The following SAAL1 variants were observed in gnomAD, a reference collection of about 807,000 sequenced individuals.
SAAL1 encodes serum amyloid A like 1, also known as protein SAAL1.
Under a neutral mutation model 59.8 loss-of-function variants are expected in SAAL1, and 42 were observed. The ratio of observed to expected loss-of-function variants is 0.70; its 90% CI spans 0.55 to 0.91. SAAL1 has a LOEUF of 0.91. Among genes scored for constraint, SAAL1 ranks in the 40% least tolerant of loss-of-function variants. The pLI is 0.00. For synonymous variants in SAAL1, 191 were observed against 194.3 expected (o/e 0.98, Z 0.14); for missense variants, 542 against 561.1 (o/e 0.97, Z 0.34).
At chr11:18,095,567 C>T (rs1406737124) in intron 3 of SAAL1, among the ~76,000 whole-genome samples, 2 of 152,220 alleles carry the variant, frequency 1.3e-5, no homozygotes, top group Non-Finnish European at 2.9e-5. Context: ...TCTTTCCTAG[C>T]TGTGTGACCC....
At chr11:18,088,952 G>A (rs1166893184) in intron 7 of SAAL1, among the ~76,000 whole-genome samples, 1 of 152,104 alleles carries the variant, frequency 6.6e-6, no homozygotes, top group Non-Finnish European at 1.5e-5. Context: ...TCCCAACATC[G>A]GTCACTTATT....
chr11:18,106,072 T>C lies in SAAL1; in HGVS notation c.-31A>G. The C allele has an allele frequency of 6.3e-7, 1 of 1,577,630 alleles. No homozygotes were observed. Among genetic ancestry groups the C allele is most frequent in the Non-Finnish European group, 8.6e-7 (1 of 1,169,322 alleles). On this transcript the variant is annotated 5_prime_UTR_variant, in exon 1 of 12. Transcript: ENST00000524803. The stretch of plus-strand genomic sequence containing the variant: ...TGTCGCGTCCCGCGCTTGAAGGCCG[T>C]GCCGGAAGCTGCGGAGGAGACGACC...
chr11:18,094,253 T>C (rs1848550810), intron 3 of SAAL1, among the ~76,000 whole-genome samples: 1 of 152,134 alleles, frequency 6.6e-6, no homozygotes, highest in African/African-American at 2.4e-5. Flanking sequence ...GGTTTGAATG[T>C]GTGGGTCCAC....
intron 1 of SAAL1, 74 bp downstream of exon 1, chr11:18,105,833 A>C: frequency 2.1e-6 from 3 of 1,459,676 alleles, no homozygotes; most frequent in Non-Finnish European, 2.7e-6. Flanking sequence ...CCGGGGCAGG[A>C]GGATTCGCCA....
chr11:18,099,826 G>A (rs1848616329), intron 2 of SAAL1, among the ~76,000 whole-genome samples: 1 of 152,240 alleles, frequency 6.6e-6, no homozygotes, highest in Admixed American at 6.5e-5. Context: ...AGTGCAGGAA[G>A]TATCTGGAGG....
At chr11:18,083,308 T>C (rs1401403585) in intron 10 of SAAL1, 2 of 319,762 alleles carry the variant, frequency 6.3e-6, no homozygotes, top group South Asian at 9.2e-5. Context: ...AAAAATGCAT[T>C]TATAAAAACA....
chr11:18,100,538 T>A (rs1221865046), intron 2 of SAAL1, among the ~76,000 whole-genome samples: 2 of 152,178 alleles, frequency 1.3e-5, no homozygotes, highest in African/African-American at 4.8e-5. Flanking sequence ...AAGACCAGCC[T>A]GGCCAACATG....
At chr11:18,086,488 C>T (rs1035104303) in intron 9 of SAAL1, among the ~76,000 whole-genome samples, 4 of 152,100 alleles carry the variant, frequency 2.6e-5, no homozygotes, top group Non-Finnish European at 5.9e-5. Flanking sequence ...CACCTGAGGT[C>T]GGGAGTTCGA....
chr11:18,105,982 C>G lies in SAAL1; in HGVS notation c.60G>C (p.Val20=), dbSNP rs1480321070. 3 of 1,610,256 alleles carry G rather than the reference C, an allele frequency of 1.9e-6. No homozygotes were observed. In the East Asian group the frequency reaches 6.7e-5, roughly 36 times the overall value. The change falls in exon 1 of 12, where the codon GTG becomes GTC. Residue 20 remains valine, a synonymous_variant. Coordinates refer to ENST00000524803, the MANE Select transcript of SAAL1 (RefSeq NM_138421.3). ...TGCTCCCTATGCAGTCTCCACCGGC[C>G]ACCTCCTCCTCCTCCTCCTTGTCGC... The part of the protein sequence containing the change: ...PGRDKEEEEE[V]AGGDCIGSTV...
Position 18,089,367 on chromosome 11 carries a change from G to A in SAAL1, c.733C>T (p.Leu245Phe). ...EESEEQPVFR[L>F]VPCILEAAKQ... ...GCAGCTTCAAGTATACAGGGCACAA[G>A]CCGAAACACTGGCTGCTCTTCAGAC... Residue 245 changes from leucine (L) to phenylalanine (F), a missense_variant, in exon 7 of 12, where the codon CTT becomes TTT. Coordinates refer to ENST00000524803, the MANE Select transcript of SAAL1 (RefSeq NM_138421.3). The A allele has an allele frequency of 6.3e-7, 1 of 1,592,996 alleles. No individual in the cohort carries two copies. The highest frequency in any genetic ancestry group is 8.5e-7 in the Non-Finnish European group (1 of 1,173,578).
chr11:18,098,647 A>C (rs1469042259), intron 2 of SAAL1, among the ~76,000 whole-genome samples: 1 of 152,242 alleles, frequency 6.6e-6, no homozygotes, highest in Non-Finnish European at 1.5e-5. Context: ...AACCTGCCAG[A>C]CAACTGACTG....
At chr11:18,102,132 TGA>T (rs1350454219) in intron 2 of SAAL1, among the ~76,000 whole-genome samples, 1 of 152,152 alleles carries the variant, frequency 6.6e-6, no homozygotes, top group East Asian at 1.9e-4. Context: ...CTGGGTGCGG[TGA>T]CTCACTCCTA....
chr11:18,097,763 T>C (rs1848592448), intron 2 of SAAL1, among the ~76,000 whole-genome samples: 1 of 149,514 alleles, frequency 6.7e-6, no homozygotes, highest in Non-Finnish European at 1.5e-5. Context: ...CACTTGAGCC[T>C]GGGGAGCTCA....
At chr11:18,096,916 A>C in intron 2 of SAAL1, 62 bp from the exon 3 acceptor site, 13 of 862,762 alleles carry the variant, frequency 1.5e-5, no homozygotes, top group Non-Finnish European at 2.5e-5. Context: ...CCTAAAGCTC[A>C]GGCAACCATA....
intron 10 of SAAL1, 30 bp from the exon 11 acceptor site, chr11:18,081,533 A>C (rs756620374): frequency 3.8e-6 from 6 of 1,584,640 alleles, no homozygotes; most frequent in Middle Eastern, 1.7e-4. Context: ...TAATGTCAAA[A>C]AAGGAAAATT....
chr11:18,102,397 C>CAA (rs1229550097), intron 2 of SAAL1, among the ~76,000 whole-genome samples: 7 of 97,866 alleles, frequency 7.2e-5, no homozygotes, highest in Admixed American at 5.5e-4. Context: ...GACTCCATCT[C>CAA]AAAAAAAAAA....
In SAAL1 at chr11:18,087,179, G is replaced by A; in HGVS notation, c.817C>T (p.Leu273=). 1 of 1,613,538 alleles carries A rather than the reference G, an allele frequency of 6.2e-7. No individual in the cohort carries two copies. Among genetic ancestry groups the A allele is most frequent in the Non-Finnish European group, 8.5e-7 (1 of 1,179,500 alleles). Residue 273 remains leucine, a synonymous_variant, in exon 8 of 12, where the codon CTG becomes TTG. Coordinates refer to ENST00000524803, the MANE Select transcript of SAAL1 (RefSeq NM_138421.3). ...WLDVYMHILQ[L]LTTVDDGIQA... ...ATTCCATCATCCACTGTAGTAAGCAGTTGTAAAATGTGCATGTAAACATCA... is the reference window on the plus strand; with the variant it reads ...ATTCCATCATCCACTGTAGTAAGCAATTGTAAAATGTGCATGTAAACATCA...
At chr11:18,097,503 G>T (rs1421422381) in intron 2 of SAAL1, among the ~76,000 whole-genome samples, 5 of 152,110 alleles carry the variant, frequency 3.3e-5, no homozygotes. Flanking sequence ...AACACATTTG[G>T]TGATTACCTA....
Position 18,103,293 on chromosome 11 carries a change from C to T in SAAL1, c.189G>A (p.Thr63=), listed in dbSNP as rs745927479. The change falls in exon 2 of 12, where the codon ACG becomes ACA. Residue 63 remains threonine, a synonymous_variant. Coordinates refer to ENST00000524803, the MANE Select transcript of SAAL1 (RefSeq NM_138421.3). The part of the protein sequence containing the change: ...KSSSDDEEQL[T]ELDEEMENEI... ...CATTCTCCATTTCTTCATCAAGCTC[C>T]GTCAGCTGCTCCTCATCATCTGAGC... 6.8e-6 allele frequency: 11 copies of T among 1,613,908 alleles called. No individual in the cohort carries two copies. The highest frequency in any genetic ancestry group is 3.3e-5 in the Admixed American group (2 of 60,012).
Sources: gnomAD v4.1 joint callset for allele counts (sites outside exome capture counted in the v4.1 genomes callset) on GRCh38, gnomAD v4.1.1 for gene constraint, MANE v1.5 for transcripts, NCBI Gene and HGNC (gene_info 2026-07-23, HGNC 2026-07-21) for gene names.